Variants in NPFFR1 observed in about 807,000 individuals in gnomAD.
The protein encoded by NPFFR1 is neuropeptide FF receptor 1, also known as G-protein coupled receptor 147.
NPFFR1 carries 17 observed loss-of-function variants against 12.7 expected under a neutral mutation model. That is an observed-to-expected ratio of 1.34 (90% CI 0.92 to 2.01). The LOEUF (loss-of-function observed/expected upper bound fraction) is 2.01, where lower values mean the gene tolerates loss of function less well. NPFFR1 is among the 30% of genes most tolerant of loss of function. The pLI is 0.00. For missense variants in NPFFR1, 604 were observed against 606.5 expected (o/e 1.00, Z 0.04); for synonymous variants, 296 against 264.5 (o/e 1.12, Z -1.16).
Position 70,266,118 on chromosome 10 carries a change from A to G in NPFFR1, c.281T>C (p.Ile94Thr). The G allele has an allele frequency of 6.2e-7, 1 of 1,614,044 alleles. No homozygotes were observed. ...CACAAGGGTGGTGGGCATGCAGAAG[A>G]TGCCCACCAGCAGGTCACTGACAGC... ...NLAVSDLLVGIFCMPTTLVDN... is the reference protein window; with the variant it reads ...NLAVSDLLVGTFCMPTTLVDN... Residue 94 changes from isoleucine (I) to threonine (T), a missense_variant, in exon 2 of 4, where the codon ATC becomes ACC. Coordinates refer to ENST00000277942, the MANE Select transcript of NPFFR1 (RefSeq NM_022146.5).
chr10:70,266,178 A>G lies in NPFFR1; in HGVS notation c.221T>C (p.Met74Thr). Residue 74 changes from methionine (M) to threonine (T), a missense_variant, in exon 2 of 4, where the codon ATG (methionine) becomes ACG (threonine). Coordinates refer to ENST00000277942, the MANE Select transcript of NPFFR1 (RefSeq NM_022146.5). ...VCFIVLKNRH[M>T]HTVTNMFILN... ...GATGAACATGTTGGTGACAGTATGC[A>G]TGTGCCGGTTCTTGAGCACGATGAA... 1 of 1,614,040 alleles carries G rather than the reference A, an allele frequency of 6.2e-7. No individual in the cohort carries two copies. Among genetic ancestry groups the G allele is most frequent in the Non-Finnish European group, 8.5e-7 (1 of 1,179,900 alleles).
At chr10:70,270,773 G>A (rs1479936434) in intron 1 of NPFFR1, among the ~76,000 whole-genome samples, 1 of 152,208 alleles carries the variant, frequency 6.6e-6, no homozygotes, top group Non-Finnish European at 1.5e-5. Flanking sequence ...TCCTTCCTGG[G>A]ATCTGCCAGG....
At chr10:70,270,662 T>C (rs943081216) in intron 1 of NPFFR1, among the ~76,000 whole-genome samples, 1 of 152,166 alleles carries the variant, frequency 6.6e-6, no homozygotes, top group Non-Finnish European at 1.5e-5. Flanking sequence ...AAAAACTCCT[T>C]CCCATTCCTG....
At chr10:70,281,125 T>C (rs969423411) in intron 1 of NPFFR1, among the ~76,000 whole-genome samples, 3 of 152,184 alleles carry the variant, frequency 2.0e-5, no homozygotes, top group Non-Finnish European at 4.4e-5. Context: ...CCACATCCCA[T>C]TGGCCCAAAG....
At chr10:70,258,416 A>T (rs887620286) in intron 3 of NPFFR1, among the ~76,000 whole-genome samples, 2 of 152,182 alleles carry the variant, frequency 1.3e-5, no homozygotes. Flanking sequence ...ACGATTGCTC[A>T]ACTGCAAGCT....
chr10:70,255,699 C>G lies in NPFFR1; in HGVS notation c.551G>C (p.Arg184Pro), dbSNP rs761856513. ...CPSAVTLTVT[R>P]EEHHFMVDAR... is the part of the protein sequence containing the mutation. ...GTCCACCATGAAGTGGTGCTCCTCA[C>G]GGGTGACGGTCAGCGTGACGGCCGA... The change falls in exon 4 of 4, where the codon CGT (arginine) becomes CCT (proline). Residue 184 changes from arginine (R) to proline (P), a missense_variant. Transcript: ENST00000277942. The surrounding 1 kb of genome is among the most constrained non-coding windows in gnomAD (Gnocchi z 4.2). 4.4e-6 allele frequency: 7 copies of G among 1,606,502 alleles called. No individual in the cohort carries two copies. The South Asian group carries it at 5.6e-5, about 13-fold the overall frequency.
chr10:70,269,480 G>C (rs1279363684), intron 1 of NPFFR1, among the ~76,000 whole-genome samples: 1 of 151,374 alleles, frequency 6.6e-6, no homozygotes, highest in Non-Finnish European at 1.5e-5. Context: ...ATTTTCAGCA[G>C]ACACTAAGGA....
chr10:70,274,044 C>A (rs1312461864), intron 1 of NPFFR1, among the ~76,000 whole-genome samples: 1 of 152,184 alleles, frequency 6.6e-6, no homozygotes, highest in African/African-American at 2.4e-5. Context: ...CTTAACAGGC[C>A]ATGTAATCTT....
In NPFFR1 at chr10:70,260,736, C is replaced by A. The variant is rs1482735553; in HGVS notation, c.326G>T (p.Trp109Leu). ...CTTGCATGTGGCATTGTCGAAGGGC[C>A]ACCCTGCAATGACAGAGGCCCCCAC... ...TTLVDNLITG[W>L]PFDNATCKMS... Residue 109 changes from tryptophan (W) to leucine (L), a missense_variant, in exon 3 of 4, where the codon TGG (tryptophan) becomes TTG (leucine). Physicochemically the swap from Trp to Leu is moderately conservative, Grantham distance 61. Transcript: ENST00000277942. 1 of 1,595,770 alleles carries A rather than the reference C, an allele frequency of 6.3e-7. No homozygotes were observed. The highest frequency in any genetic ancestry group is 1.3e-5 in the African/African-American group (1 of 74,564).
Position 70,266,340 on chromosome 10 carries a change from G to A in NPFFR1, c.59C>T (p.Thr20Ile). Residue 20 changes from threonine (T) to isoleucine (I), a missense_variant, in exon 2 of 4, where the codon ACT (threonine) becomes ATT (isoleucine). Thr to Ile is a moderately conservative substitution (Grantham distance 89). Coordinates refer to ENST00000277942, the MANE Select transcript of NPFFR1 (RefSeq NM_022146.5). ...TGTAGCCGGGGTGGCCTCAGTGTTAGTCCCATTCTGACTTAGGGGCCAACT... is the reference window on the plus strand; with the variant it reads ...TGTAGCCGGGGTGGCCTCAGTGTTAATCCCATTCTGACTTAGGGGCCAACT... ...NSSWPLSQNG[T>I]NTEATPATNL... is the part of the protein sequence containing the mutation. 6.2e-7 allele frequency: 1 copy of A among 1,613,696 alleles called. No individual in the cohort carries two copies. Among genetic ancestry groups the A allele is most frequent in the Non-Finnish European group, 8.5e-7 (1 of 1,179,798 alleles).
chr10:70,254,976 A>G lies in NPFFR1; in HGVS notation c.1274T>C (p.Ile425Thr). Residue 425 changes from isoleucine (I) to threonine (T), a missense_variant, in exon 4 of 4, where the codon ATT (isoleucine) becomes ACT (threonine). Physicochemically the swap from Ile to Thr is moderately conservative, Grantham distance 89. Transcript: ENST00000277942. ...GPGCSHLPLT[I>T]PAWDI Reference sequence around the variant, plus strand: ...ACCCCCTCAGATATCCCAGGCTGGAATGGTGAGGGGCAGGTGGGAGCAGCC... The same window carrying G: ...ACCCCCTCAGATATCCCAGGCTGGAGTGGTGAGGGGCAGGTGGGAGCAGCC... The G allele has an allele frequency of 7.0e-7, 1 of 1,436,414 alleles. No homozygotes were observed. The highest frequency in any genetic ancestry group is 2.9e-5 in the Admixed American group (1 of 34,888). 89.0% of individuals were successfully genotyped at this position (1,436,414 alleles called of 1,614,324 possible). A position where few individuals can be genotyped will look rare whatever the true frequency, so the allele number is the denominator to read the frequency against.
At chr10:70,270,522 C>A (rs1840734919) in intron 1 of NPFFR1, among the ~76,000 whole-genome samples, 1 of 152,240 alleles carries the variant, frequency 6.6e-6, no homozygotes, top group African/African-American at 2.4e-5. Flanking sequence ...GTAAGCTCAT[C>A]TTCCGAAGTC....
In NPFFR1 at chr10:70,266,073, T is replaced by C. The variant is rs1232444139; in HGVS notation, c.322+4A>G. On this transcript the variant is annotated splice_donor_region_variant and intron_variant, in intron 2 of 3. Transcript: ENST00000277942. ...CACTCCTGCTGCCAACTGCCCGCAC[T>C]CACCAGTGATGAGGTTGTCCACAAG... 2 of 1,612,648 alleles carry C rather than the reference T, an allele frequency of 1.2e-6. No individual in the cohort carries two copies. Among genetic ancestry groups the C allele is most frequent in the East Asian group, 4.5e-5 (2 of 44,860 alleles).
intron 1 of NPFFR1, among the ~76,000 whole-genome samples, chr10:70,277,744 G>A (rs1040523199): frequency 2.0e-5 from 3 of 151,844 alleles, no homozygotes; most frequent in Non-Finnish European, 2.9e-5. Context: ...AAAGGCTGGG[G>A]TTGGGCTGGG....
At chr10:70,269,498 C>G (rs1449854241) in intron 1 of NPFFR1, among the ~76,000 whole-genome samples, 3 of 150,302 alleles carry the variant, frequency 2.0e-5, no homozygotes, top group South Asian at 2.1e-4. Flanking sequence ...GGATTATTGC[C>G]TAGACTCCCC....
Position 70,266,307 on chromosome 10 carries a change from G to A in NPFFR1, c.92C>T (p.Thr31Ile), listed in dbSNP as rs766767932. Residue 31 changes from threonine to isoleucine, a missense_variant, in exon 2 of 4, where the codon ACC becomes ATC. Physicochemically the swap from Thr to Ile is moderately conservative, Grantham distance 89 (BLOSUM62 -1). Transcript: ENST00000277942. The stretch of plus-strand genomic sequence containing the variant: ...GGTGTGCTGATAGTAGGAGGAGAAG[G>A]TGAGGTTTGTAGCCGGGGTGGCCTC... ...NTEATPATNL[T>I]FSSYYQHTSP... 1.2e-6 allele frequency: 2 copies of A among 1,613,674 alleles called. No homozygotes were observed. The highest frequency in any genetic ancestry group is 2.2e-5 in the East Asian group (1 of 44,892).
At chr10:70,264,988 G>C (rs1160164592) in intron 2 of NPFFR1, among the ~76,000 whole-genome samples, 1 of 152,228 alleles carries the variant, frequency 6.6e-6, no homozygotes, top group East Asian at 1.9e-4. Flanking sequence ...GCACATGTGT[G>C]CCTGAGTACA....
intron 2 of NPFFR1, among the ~76,000 whole-genome samples, chr10:70,265,650 TCC>T (rs1300638411): frequency 6.6e-6 from 1 of 152,170 alleles, no homozygotes; most frequent in African/African-American, 2.4e-5. Flanking sequence ...CCATGCGAGC[TCC>T]GTGAGAGAGT....
At chr10:70,278,028 C>A in intron 1 of NPFFR1, 3 of 515,710 alleles carry the variant, frequency 5.8e-6, no homozygotes, top group South Asian at 1.4e-5. Flanking sequence ...AGTCATGAGA[C>A]CTGTCAGCCT....
Sources: gnomAD v4.1 joint callset for allele counts (sites outside exome capture counted in the v4.1 genomes callset) on GRCh38, gnomAD v4.1.1 for gene constraint, Gnocchi (gnomAD v3.1) non-coding constraint, MANE v1.5 for transcripts, NCBI Gene and HGNC (gene_info 2026-07-23, HGNC 2026-07-21) for gene names.